ARHGAP15: variants seen among roughly 807,000 people sequenced by gnomAD.
The protein encoded by ARHGAP15 is rho GTPase-activating protein 15.
A neutral mutation model predicts 63.7 loss-of-function variants in ARHGAP15; 51 were observed. The observed-to-expected ratio is 0.80, with a 90% confidence interval of 0.64 to 1.01. The LOEUF (loss-of-function observed/expected upper bound fraction) is 1.01, where lower values mean the gene tolerates loss of function less well. Ranked by LOEUF, ARHGAP15 falls within the 50% of genes least tolerant of loss-of-function variation. The pLI is 0.00. For missense variants in ARHGAP15, 560 were observed against 564.6 expected (o/e 0.99, Z 0.08); for synonymous variants, 191 against 193.8 (o/e 0.99, Z 0.12).
At chr2:143,358,370 T>C (rs1187224423) in intron 6 of ARHGAP15, among the ~76,000 whole-genome samples, 1 of 152,138 alleles carries the variant, frequency 6.6e-6, no homozygotes, top group African/African-American at 2.4e-5. Flanking sequence ...GCAGCATTTT[T>C]AAAAGTAATT....
chr2:143,476,258 C>T (rs1691810111), intron 8 of ARHGAP15, among the ~76,000 whole-genome samples: 1 of 152,040 alleles, frequency 6.6e-6, no homozygotes, highest in Admixed American at 6.6e-5. Flanking sequence ...TTCTTTGAAA[C>T]ATGTTTAATA....
intron 11 of ARHGAP15, among the ~76,000 whole-genome samples, chr2:143,606,130 T>C (rs1159566853): frequency 2.0e-5 from 3 of 151,236 alleles, no homozygotes; most frequent in Non-Finnish European, 4.4e-5. Context: ...TTATACTACT[T>C]TTATCCTTGG....
At chr2:143,224,963 A>G (rs1039601084) in intron 4 of ARHGAP15, among the ~76,000 whole-genome samples, 3 of 152,180 alleles carry the variant, frequency 2.0e-5, no homozygotes, top group Non-Finnish European at 4.4e-5. Context: ...CAAACACCGC[A>G]TGTTCTCACT....
At chr2:143,593,081 A>G (rs1697383339) in intron 11 of ARHGAP15, among the ~76,000 whole-genome samples, 1 of 152,230 alleles carries the variant, frequency 6.6e-6, no homozygotes, top group Non-Finnish European at 1.5e-5. Context: ...GGATTCATAA[A>G]GGACATTGGC....
At chr2:143,637,356 A>C (rs1223189107) in intron 12 of ARHGAP15, among the ~76,000 whole-genome samples, 1 of 152,122 alleles carries the variant, frequency 6.6e-6, no homozygotes, top group African/African-American at 2.4e-5. Flanking sequence ...TTTAGAGTCC[A>C]AGTTCTCACT....
chr2:143,534,187 T>C (rs1365382878), intron 10 of ARHGAP15, among the ~76,000 whole-genome samples: 2 of 152,190 alleles, frequency 1.3e-5, no homozygotes, highest in South Asian at 4.1e-4. Flanking sequence ...CGAGATCTGA[T>C]GGCTTTATAA....
At chr2:143,300,129 G>T (rs1280874140) in intron 6 of ARHGAP15, among the ~76,000 whole-genome samples, 3 of 152,020 alleles carry the variant, frequency 2.0e-5, no homozygotes, top group South Asian at 2.1e-4. Flanking sequence ...GGGGCATAAA[G>T]TCTGGGAACG....
chr2:143,499,574 T>A (rs1264939123), intron 9 of ARHGAP15, among the ~76,000 whole-genome samples: 1 of 152,186 alleles, frequency 6.6e-6, no homozygotes, highest in Non-Finnish European at 1.5e-5. Flanking sequence ...GGAGAAATAA[T>A]TCCTGAGAAA....
chr2:143,598,114 T>G (rs1697598628), intron 11 of ARHGAP15: 1 of 152,162 alleles, frequency 6.6e-6, no homozygotes, highest in Admixed American at 6.6e-5. Context: ...ACAGGACACA[T>G]ACAGACCATA....
At chr2:143,640,325 C>T (rs529786332) in intron 12 of ARHGAP15, among the ~76,000 whole-genome samples, 93 of 152,126 alleles carry the variant, frequency 6.1e-4, no homozygotes, top group Middle Eastern at 3.4e-3. Flanking sequence ...AGGTGAATGG[C>T]AGAGATGGAA....
At chr2:143,723,643 G>T (rs961010246) in intron 13 of ARHGAP15, among the ~76,000 whole-genome samples, 2 of 152,160 alleles carry the variant, frequency 1.3e-5, no homozygotes. Context: ...CCTACTGTAT[G>T]CCAGGCACTG....
intron 6 of ARHGAP15, among the ~76,000 whole-genome samples, chr2:143,380,622 A>C (rs1302649814): frequency 1.3e-5 from 2 of 152,170 alleles, no homozygotes. Context: ...TAAAGCCCAT[A>C]TACATAGCCA....
At chr2:143,376,477 G>A (rs1342272620) in intron 6 of ARHGAP15, among the ~76,000 whole-genome samples, 1 of 152,062 alleles carries the variant, frequency 6.6e-6, no homozygotes, top group East Asian at 1.9e-4. Flanking sequence ...TCCAAAATCA[G>A]GATCCGGACC....
Position 143,190,717 on chromosome 2 carries a change from C to G in ARHGAP15, c.166-11417C>G, listed in dbSNP as rs368835068. On this transcript the variant is annotated intron_variant, in intron 2 of 13. Transcript: ENST00000295095. ...CAGTCTTGACCATATCTTCATGGTA[C>G]CAGGCACTACCAAGTGATCAGCCTC... 3.9e-5 allele frequency among the ~76,000 whole-genome samples: 6 copies of G among 152,288 alleles called. 1 individual carries two copies. The East Asian group carries it at 1.2e-3, about 29-fold the overall frequency.
intron 8 of ARHGAP15, among the ~76,000 whole-genome samples, chr2:143,473,436 G>C (rs1691670542): frequency 1.3e-5 from 2 of 152,138 alleles, no homozygotes; most frequent in African/African-American, 4.8e-5. Context: ...TAACTGAACT[G>C]CTTGACAAAA....
intron 12 of ARHGAP15, among the ~76,000 whole-genome samples, chr2:143,685,283 A>T (rs1388320588): frequency 6.6e-6 from 1 of 152,190 alleles, no homozygotes; most frequent in East Asian, 1.9e-4. Flanking sequence ...GTTGGTTGTG[A>T]TTACAGTGCA....
intron 6 of ARHGAP15, among the ~76,000 whole-genome samples, chr2:143,388,843 T>A (rs1158009366): frequency 6.6e-6 from 1 of 152,102 alleles, no homozygotes; most frequent in Admixed American, 6.6e-5. Flanking sequence ...TTTTGTAAAA[T>A]CTTTTTAAAG....
intron 13 of ARHGAP15, among the ~76,000 whole-genome samples, chr2:143,739,719 T>C (rs968768553): frequency 2.6e-5 from 4 of 152,190 alleles, no homozygotes; most frequent in Admixed American, 2.6e-4. Context: ...TTCATTGTTT[T>C]CCAAGGCTCA....
At chr2:143,439,315 C>T (rs4511670) in intron 8 of ARHGAP15, among the ~76,000 whole-genome samples, 134,215 of 150,516 alleles carry the variant, frequency 0.89, 60,170 homozygotes, top group Middle Eastern at 0.97. Flanking sequence ...CCCAGCTACT[C>T]GGGAGGCTGA....
Sources: allele counts gnomAD v4.1 joint callset (sites outside exome capture counted in the v4.1 genomes callset), GRCh38; gene constraint gnomAD v4.1.1; transcripts MANE v1.5; gene names NCBI Gene and HGNC (gene_info 2026-07-23, HGNC 2026-07-21).